The following THAP5 variants were observed in gnomAD, a reference collection of about 807,000 sequenced individuals.
THAP5 encodes the protein THAP domain-containing protein 5.
Under a neutral mutation model 34.0 loss-of-function variants are expected in THAP5, and 26 were observed. The observed-to-expected ratio is 0.77, with a 90% CI of 0.56 to 1.06. THAP5 has a LOEUF of 1.06. THAP5 is among the 50% of genes least tolerant of loss of function. The probability of loss-of-function intolerance (pLI) is 0.00; values close to 1 mark genes in which losing one functional copy is unlikely to be tolerated. For synonymous variants in THAP5, 125 were observed against 153.0 expected, an observed-to-expected ratio of 0.82 and a Z score of 1.35; for missense variants, 394 against 452.8, an observed-to-expected ratio of 0.87 and a Z score of 1.18.
rs1790419596 is a variant in THAP5 at position 108,564,054 on chromosome 7, T to C, written c.*137A>G. On this transcript the variant is annotated 3_prime_UTR_variant, in exon 3 of 3. Coordinates refer to ENST00000415914, the MANE Select transcript of THAP5 (RefSeq NM_001130475.3). ...TTAAATAAGTATTACAAGAATAGGA[T>C]ACAGTTCATAACTTTACAACACTCT... 1 of 640,954 alleles carries C rather than the reference T, an allele frequency of 1.6e-6. No individual in the cohort carries two copies. The allele number at this position is 640,954 out of a possible 1,614,324, so 39.7% of individuals were successfully genotyped here.
At chr7:108,558,381 G>C (rs13235009), downstream of THAP5, among the ~76,000 whole-genome samples, 1 of 93,824 alleles carries the variant, frequency 1.1e-5, no homozygotes, top group African/African-American at 4.6e-5. Flanking sequence ...GTGTGTGTAT[G>C]TATATATATA....
intron 1 of THAP5, among the ~76,000 whole-genome samples, chr7:108,568,782 A>G (rs1790543343): frequency 6.6e-6 from 1 of 152,216 alleles, no homozygotes; most frequent in Non-Finnish European, 1.5e-5. Context: ...ACTTTCCAAG[A>G]GGTCATTAAG....
chr7:108,556,689 A>C (rs1306176210), intron 1 of THAP5, among the ~76,000 whole-genome samples: 2 of 152,166 alleles, frequency 1.3e-5, no homozygotes, highest in Admixed American at 6.5e-5. Context: ...GCTGGAGTTG[A>C]GTGCTTGGAG....
chr7:108,569,510 G>T lies in THAP5; in HGVS notation c.60C>A (p.Asp20Glu). The T allele has an allele frequency of 6.4e-7, 1 of 1,551,792 alleles. No individual in the cohort carries two copies. The highest frequency in any genetic ancestry group is 8.7e-7 in the Non-Finnish European group (1 of 1,147,018). Reference sequence around the variant, plus strand: ...CTTACGGATAAAAACTCAGCTTCCGGTCTTTATTGTTTCGTCCCCGGCGGT... The same window carrying T: ...CTTACGGATAAAAACTCAGCTTCCGTTCTTTATTGTTTCGTCCCCGGCGGT... ...CKNRRGRNNK[D>E]RKLSFYPFPL... Residue 20 changes from aspartate (D) to glutamate (E), a missense_variant, in exon 1 of 3, where the codon GAC becomes GAA. Transcript: ENST00000415914.
chr7:108,567,274 A>G (rs1413335402), intron 1 of THAP5, among the ~76,000 whole-genome samples: 3 of 152,354 alleles, frequency 2.0e-5, no homozygotes, highest in East Asian at 3.9e-4. Context: ...TATGACAAGC[A>G]TAACCAGAAA....
intron 1 of THAP5, chr7:108,569,177 T>G: frequency 8.0e-7 from 1 of 1,248,510 alleles, no homozygotes; most frequent in Non-Finnish European, 1.0e-6. Context: ...TGGTTAATGT[T>G]GTTCAATGAA....
In THAP5 at chr7:108,564,311, TAG is replaced by T. The variant is rs764573632; in HGVS notation, c.1066_1067del (p.Leu356ArgfsTer2). Reference sequence around the variant, plus strand: ...GAGCTTCCAAAGACTTCAATCTACCTAGAGTTTGTTGCTCTTTTAACTCTAGA... The same window carrying T: ...GAGCTTCCAAAGACTTCAATCTACCTAGTTTGTTGCTCTTTTAACTCTAGA... ...TLLELKEQQT[L>X]GRLKSLEALI... On this transcript the variant is annotated frameshift_variant, in exon 3 of 3. Coordinates refer to ENST00000415914, the MANE Select transcript of THAP5 (RefSeq NM_001130475.3). LOFTEE classifies it high-confidence loss of function. 1.2e-5 allele frequency: 19 copies of T among 1,613,814 alleles called. No individual in the cohort carries two copies. The East Asian group carries it at 1.8e-4, about 15-fold the overall frequency.
downstream of THAP5, among the ~76,000 whole-genome samples, chr7:108,551,254 C>T (rs1237198171): frequency 6.6e-6 from 1 of 152,174 alleles, no homozygotes; most frequent in Admixed American, 6.5e-5. Context: ...GTGTTGGAAA[C>T]TTCATGCCCA....
downstream of THAP5, among the ~76,000 whole-genome samples, chr7:108,557,873 T>G (rs1172041012): frequency 1.3e-5 from 2 of 152,194 alleles, no homozygotes; most frequent in African/African-American, 4.8e-5. Context: ...TACCTAAGAC[T>G]GGTTAATTTC....
downstream of THAP5, among the ~76,000 whole-genome samples, chr7:108,561,645 A>C (rs1302644096): frequency 6.6e-6 from 1 of 152,096 alleles, no homozygotes; most frequent in Non-Finnish European, 1.5e-5. Context: ...CGGGAAGGAG[A>C]GGCAGGAAAG....
rs779535094 is a variant in THAP5 at position 108,564,858 on chromosome 7, C to T, written c.521G>A (p.Gly174Glu). 1 of 1,610,976 alleles carries T rather than the reference C, an allele frequency of 6.2e-7. No individual in the cohort carries two copies. Among genetic ancestry groups the T allele is most frequent in the East Asian group, 2.2e-5 (1 of 44,828 alleles). ...LTLNLVKQHT[G>E]KPESTLETSV... ...TGTTTCCAAGGTAGATTCTGGTTTC[C>T]CAGTATGTTGTTTAACTAGATTAAG... Residue 174 changes from glycine (G) to glutamate (E), a missense_variant, in exon 3 of 3, where the codon GGG becomes GAG. Transcript: ENST00000415914.
rs1316540037 is a variant in THAP5 at position 108,564,535 on chromosome 7, T to G, written c.844A>C (p.Lys282Gln). 6.2e-7 allele frequency: 1 copy of G among 1,613,850 alleles called. No homozygotes were observed. Among genetic ancestry groups the G allele is most frequent in the Non-Finnish European group, 8.5e-7 (1 of 1,179,886 alleles). Residue 282 changes from lysine to glutamine, a missense_variant, in exon 3 of 3, where the codon AAA (lysine) becomes CAA (glutamine). Lys to Gln is a moderately conservative substitution (Grantham distance 53, BLOSUM62 1). Transcript: ENST00000415914. ...GATATAAAAGAATTAACTGAGGGTTTAGAATTTTCAGCAGGTACAAAAATG... is the reference window on the plus strand; with the variant it reads ...GATATAAAAGAATTAACTGAGGGTTGAGAATTTTCAGCAGGTACAAAAATG... Reference protein sequence around the residue: ...IAIFVPAENSKPSVNSFISAQ... With the variant: ...IAIFVPAENSQPSVNSFISAQ...
At chr7:108,565,201 A>G (rs1790458671) in intron 2 of THAP5, 96 bp from the exon 3 acceptor site, 2 of 963,458 alleles carry the variant, frequency 2.1e-6, no homozygotes, top group African/African-American at 1.7e-5. Context: ...TACACTGGCC[A>G]AGCAAATTTA....
At chr7:108,558,989 A>G (rs539704616), downstream of THAP5, among the ~76,000 whole-genome samples, 2 of 152,380 alleles carry the variant, frequency 1.3e-5, no homozygotes, top group South Asian at 2.1e-4. Flanking sequence ...TCCATTTGCT[A>G]TAGTGAAATA....
In THAP5 at chr7:108,569,642, A is replaced by T. The variant is rs1428354528; in HGVS notation, c.-73T>A. On this transcript the variant is annotated 5_prime_UTR_variant, in exon 1 of 3. Coordinates refer to ENST00000415914, the MANE Select transcript of THAP5 (RefSeq NM_001130475.3). ...CGGCCCTCCTCACTGAGGATGCGCC[A>T]CAGGTCCAGGCCTCTCGAGCCCCTG... 1.2e-5 allele frequency: 18 copies of T among 1,532,180 alleles called. No individual in the cohort carries two copies. The East Asian group carries it at 4.4e-4, about 37-fold the overall frequency. The allele number at this position is 1,532,180 out of a possible 1,614,324, so 94.9% of individuals were successfully genotyped here. A position where few individuals can be genotyped will look rare whatever the true frequency, so the allele number is the denominator to read the frequency against.
At chr7:108,542,349 A>G in the THAP5 span, among the ~76,000 whole-genome samples, 3 of 152,202 alleles carry the variant, frequency 2.0e-5, no homozygotes, top group Admixed American at 2.0e-4. Flanking sequence ...CTTTTTCTGC[A>G]TAACAATCCT....
intron 1 of THAP5, among the ~76,000 whole-genome samples, chr7:108,567,781 C>A (rs1454757765): frequency 2.0e-5 from 3 of 152,134 alleles, no homozygotes; most frequent in Admixed American, 2.0e-4. Flanking sequence ...AAAACTAATT[C>A]AATTTTTATT....
At chr7:108,556,246 C>T (rs1401278744) in intron 1 of THAP5, among the ~76,000 whole-genome samples, 2 of 152,154 alleles carry the variant, frequency 1.3e-5, no homozygotes, top group Non-Finnish European at 2.9e-5. Flanking sequence ...TCCCAAATCT[C>T]ATGGTCTTCT....
downstream of THAP5, among the ~76,000 whole-genome samples, chr7:108,558,782 G>T (rs1864406271): frequency 6.6e-6 from 1 of 151,848 alleles, no homozygotes; most frequent in Non-Finnish European, 1.5e-5. Flanking sequence ...TGTGTTCATT[G>T]ATATAGCATA....
Sources: gnomAD v4.1 joint callset for allele counts (sites outside exome capture counted in the v4.1 genomes callset) on GRCh38, gnomAD v4.1.1 for gene constraint, MANE v1.5 for transcripts, NCBI Gene and HGNC (gene_info 2026-07-23, HGNC 2026-07-21) for gene names.